Variants in PSMF1 observed in about 807,000 individuals in gnomAD.
PSMF1 encodes proteasome inhibitor subunit 1, also known as proteasome inhibitor PI31 subunit.
In PSMF1, 30 loss-of-function variants were observed where a neutral mutation model predicts 29.3. The ratio of observed to expected loss-of-function variants is 1.02; its 90% CI spans 0.77 to 1.39. The LOEUF (loss-of-function observed/expected upper bound fraction) is 1.39. Among genes scored for constraint, PSMF1 ranks in the 40% most tolerant of loss-of-function variants. The pLI is 0.00. For missense variants in PSMF1, 344 were observed against 357.5 expected, an observed-to-expected ratio of 0.96 and a Z score of 0.31; for synonymous variants, 134 against 139.7, an observed-to-expected ratio of 0.96 and a Z score of 0.29.
At position 1,170,679 on chromosome 20, in the gene PSMF1, A is replaced by G. The variant is rs2086781288; in HGVS notation, c.*5599A>G. ...CTTCCTCATCCACAAAATGAGCATC[A>G]CCCCTACCTGCAGGATTCTTGCAAG... On this transcript the variant is annotated 3_prime_UTR_variant, in exon 7 of 7. Transcript: ENST00000335877. 6.6e-6 allele frequency among the ~76,000 whole-genome samples: 1 copy of G among 150,850 alleles called. No homozygotes were observed. The highest frequency in any genetic ancestry group is 2.4e-5 in the African/African-American group (1 of 40,934).
chr20:1,135,041 C>A, intron 3 of PSMF1, 80 bp from the exon 4 acceptor site: 1 of 1,471,962 alleles, frequency 6.8e-7, no homozygotes, highest in Non-Finnish European at 9.5e-7. Flanking sequence ...CCGCCGCCGC[C>A]GCCGTCGTTG....
intron 4 of PSMF1, chr20:1,161,332 A>AGTTCCAGTGTTTGGAGGTGTT (rs2086664689): frequency 3.1e-6 from 1 of 327,522 alleles, no homozygotes; most frequent in Non-Finnish European, 5.7e-6. Context: ...GGCAACATGC[A>AGTTCCAGTGTTTGGAGGTGTT]GTTCCAGTGT....
intron 4 of PSMF1, among the ~76,000 whole-genome samples, chr20:1,159,069 A>AG (rs2086632716): frequency 7.4e-6 from 1 of 135,952 alleles, no homozygotes; most frequent in Admixed American, 7.3e-5. Flanking sequence ...AAAAAAAAAA[A>AG]AAGAAGAAGT....
At chr20:1,121,577 C>T (rs1382278330) in intron 1 of PSMF1, among the ~76,000 whole-genome samples, 1 of 152,128 alleles carries the variant, frequency 6.6e-6, no homozygotes, top group Admixed American at 6.5e-5. Flanking sequence ...TTGTGTTTTC[C>T]AAGCTCAGAG....
chr20:1,138,797 C>G (rs961378580), intron 4 of PSMF1, among the ~76,000 whole-genome samples: 1 of 151,938 alleles, frequency 6.6e-6, no homozygotes, highest in African/African-American at 2.4e-5. Context: ...TGCACTCCAG[C>G]CTGGGCAACA....
intron 1 of PSMF1, among the ~76,000 whole-genome samples, chr20:1,119,478 C>T (rs557678297): frequency 1.3e-5 from 2 of 152,264 alleles, no homozygotes; most frequent in South Asian, 4.1e-4. Flanking sequence ...CAGCATAGTC[C>T]ACTCGCTACT....
intron 1 of PSMF1, among the ~76,000 whole-genome samples, chr20:1,119,545 A>T (rs1441607051): frequency 6.6e-6 from 1 of 151,822 alleles, no homozygotes; most frequent in Non-Finnish European, 1.5e-5. Context: ...ACACACATAC[A>T]CCCTGGGTGT....
chr20:1,168,105 G>A lies in PSMF1; in HGVS notation c.*3025G>A, dbSNP rs1322311485. 6.6e-6 allele frequency: 1 copy of A among 152,246 alleles called. No individual in the cohort carries two copies. The highest frequency in any genetic ancestry group is 1.9e-4 in the East Asian group (1 of 5,194). 9.4% of individuals were successfully genotyped at this position (152,246 alleles called of 1,614,324 possible). A position where few individuals can be genotyped will look rare whatever the true frequency, so the allele number is the denominator to read the frequency against. ...AAGAATTTTGACCTACACCAAGCAA[G>A]GCAGAGACCAGAGTCAGTCCCCCTT... On this transcript the variant is annotated 3_prime_UTR_variant, in exon 7 of 7. Transcript: ENST00000335877.
intron 1 of PSMF1, among the ~76,000 whole-genome samples, chr20:1,124,418 G>A (rs1253029610): frequency 6.6e-6 from 1 of 152,082 alleles, no homozygotes; most frequent in African/African-American, 2.4e-5. Flanking sequence ...AGCAATAATA[G>A]CAATGTTGCC....
At chr20:1,133,217 G>GT (rs2086253943) in intron 3 of PSMF1, among the ~76,000 whole-genome samples, 1 of 150,994 alleles carries the variant, frequency 6.6e-6, no homozygotes, top group Admixed American at 6.6e-5. Flanking sequence ...TTAGGGGTAG[G>GT]TTTTTTGTAA....
intron 4 of PSMF1, among the ~76,000 whole-genome samples, chr20:1,140,150 C>G (rs541060688): frequency 6.6e-6 from 1 of 152,222 alleles, no homozygotes; most frequent in African/African-American, 2.4e-5. Flanking sequence ...ATGGCTAAAA[C>G]AATCTCAAAG....
intron 4 of PSMF1, among the ~76,000 whole-genome samples, chr20:1,146,617 C>T (rs535059480): frequency 2.6e-5 from 4 of 152,238 alleles, no homozygotes; most frequent in African/African-American, 9.6e-5. Flanking sequence ...GAAGGAAGGA[C>T]TTGGTTCCCT....
chr20:1,157,884 GTAA>G (rs2122591886), intron 4 of PSMF1, among the ~76,000 whole-genome samples: 1 of 152,194 alleles, frequency 6.6e-6, no homozygotes, highest in South Asian at 2.1e-4. Flanking sequence ...ACAGGGCATG[GTAA>G]TACTAAGAGA....
upstream of PSMF1, among the ~76,000 whole-genome samples, chr20:1,115,895 G>C (rs1254244749): frequency 6.6e-6 from 1 of 151,922 alleles, no homozygotes; most frequent in Non-Finnish European, 1.5e-5. Context: ...ACCACGCCCG[G>C]CTAATTTTTG....
At chr20:1,118,463 C>A (rs2086034245), upstream of PSMF1, 2 of 266,420 alleles carry the variant, frequency 7.5e-6, no homozygotes, top group African/African-American at 2.2e-5. Flanking sequence ...GCGATCCTGT[C>A]GACTGCCGCC....
At chr20:1,160,734 GTCT>G (rs2086656373) in intron 4 of PSMF1, 2 of 461,478 alleles carry the variant, frequency 4.3e-6, no homozygotes, top group Admixed American at 2.5e-5. Flanking sequence ...GGGCCAGAAG[GTCT>G]TCTACCTGGG....
chr20:1,119,159 G>A (rs1048513589), intron 1 of PSMF1, among the ~76,000 whole-genome samples: 1 of 152,194 alleles, frequency 6.6e-6, no homozygotes, highest in African/African-American at 2.4e-5. Context: ...CAGCCTGGCA[G>A]CCTCTCAGGC....
At chr20:1,132,800 CTTG>C (rs1258962144) in intron 3 of PSMF1, among the ~76,000 whole-genome samples, 4 of 152,002 alleles carry the variant, frequency 2.6e-5, no homozygotes, top group Admixed American at 1.3e-4. Context: ...CTGTACATAG[CTTG>C]TTATTTGTTT....
At chr20:1,124,894 T>C (rs2086134952) in intron 1 of PSMF1, among the ~76,000 whole-genome samples, 2 of 152,258 alleles carry the variant, frequency 1.3e-5, no homozygotes, top group South Asian at 4.1e-4. Context: ...GAGTGGTGAT[T>C]ACCCTTGAAG....
Sources: allele counts gnomAD v4.1 joint callset (sites outside exome capture counted in the v4.1 genomes callset), GRCh38; gene constraint gnomAD v4.1.1; transcripts MANE v1.5; gene names NCBI Gene and HGNC (gene_info 2026-07-23, HGNC 2026-07-21).